KDM1B: variants seen among roughly 807,000 people sequenced by gnomAD.
The protein encoded by KDM1B is lysine-specific histone demethylase 2.
Under a neutral mutation model 107.4 loss-of-function variants are expected in KDM1B, and 63 were observed. The ratio of observed to expected loss-of-function variants is 0.59; its 90% CI spans 0.48 to 0.72. The LOEUF (loss-of-function observed/expected upper bound fraction) is 0.72. Ranked by LOEUF, KDM1B falls within the 30% of genes least tolerant of loss-of-function variation. The pLI is 0.00. For synonymous variants in KDM1B, 363 were observed against 363.9 expected (o/e 1.00, Z 0.03); for missense variants, 749 against 1,020.8 (o/e 0.73, Z 3.63).
At chr6:18,169,233 A>ATTTTTTTTTTTTT (rs199594945) in intron 6 of KDM1B, among the ~76,000 whole-genome samples, 1 of 132,780 alleles carries the variant, frequency 7.5e-6, no homozygotes, top group African/African-American at 2.8e-5. Context: ...TATATATATA[A>ATTTTTTTTTTTTT]ATTTTTTTTT....
intron 14 of KDM1B, among the ~76,000 whole-genome samples, chr6:18,202,410 G>T (rs181921149): frequency 6.6e-6 from 1 of 151,116 alleles, no homozygotes; most frequent in Non-Finnish European, 1.5e-5. Flanking sequence ...AAAAAAAAAA[G>T]GAATTTTAAT....
chr6:18,167,590 C>T (rs952543836), intron 6 of KDM1B, among the ~76,000 whole-genome samples: 2 of 151,784 alleles, frequency 1.3e-5, no homozygotes, highest in Non-Finnish European at 2.9e-5. Context: ...TCTCCCACCT[C>T]AGCCTCCCTA....
intron 2 of KDM1B, among the ~76,000 whole-genome samples, chr6:18,156,810 G>T (rs1015737558): frequency 6.6e-6 from 1 of 152,006 alleles, no homozygotes; most frequent in Non-Finnish European, 1.5e-5. Context: ...CCAGCTACTC[G>T]GGAGGCTGAG....
At chr6:18,170,981 T>A (rs1248176862) in intron 6 of KDM1B, among the ~76,000 whole-genome samples, 1 of 152,024 alleles carries the variant, frequency 6.6e-6, no homozygotes, top group South Asian at 2.1e-4. Flanking sequence ...CCACCACGCC[T>A]GGCTAACTTT....
chr6:18,181,465 G>A (rs963775991), intron 7 of KDM1B, among the ~76,000 whole-genome samples: 1 of 152,296 alleles, frequency 6.6e-6, no homozygotes, highest in Admixed American at 6.5e-5. Flanking sequence ...GAAAATATGA[G>A]AATAAGAAGT....
rs1561956160 is a variant in KDM1B, at chr6:18,214,978, A to T, written c.2110-29A>T. On this transcript the variant is annotated intron_variant, in intron 19 of 21. Coordinates refer to ENST00000650836, the MANE Select transcript of KDM1B (RefSeq NM_001364614.2). This position sits in a 1 kb window ranked among gnomAD's most constrained non-coding sequence, Gnocchi z 4.4. Reference sequence around the variant, plus strand: ...ATCTGTGGGAGCTGAGCACTCACAGACCTCCTGCTTTTCCTTTCATGTCTC... The same window carrying T: ...ATCTGTGGGAGCTGAGCACTCACAGTCCTCCTGCTTTTCCTTTCATGTCTC... The T allele has an allele frequency of 6.2e-7, 1 of 1,611,316 alleles. No individual in the cohort carries two copies. The highest frequency in any genetic ancestry group is 2.2e-5 in the East Asian group (1 of 44,786).
chr6:18,183,053 G>A (rs1786583766), intron 7 of KDM1B, among the ~76,000 whole-genome samples: 1 of 152,092 alleles, frequency 6.6e-6, no homozygotes, highest in Admixed American at 6.6e-5. Context: ...TTGTTTTAAT[G>A]TGAAATAAGT....
At chr6:18,179,432 T>C (rs1311815838) in intron 7 of KDM1B, among the ~76,000 whole-genome samples, 2 of 152,218 alleles carry the variant, frequency 1.3e-5, no homozygotes, top group African/African-American at 4.8e-5. Context: ...TCCTCTTTTC[T>C]ATTTTGTTGT....
In KDM1B at chr6:18,166,300, GA is replaced by G; in HGVS notation, c.346del (p.Ile116TyrfsTer48). The G allele has an allele frequency of 1.2e-6, 2 of 1,609,808 alleles. No individual in the cohort carries two copies. Among genetic ancestry groups the G allele is most frequent in the Non-Finnish European group, 1.7e-6 (2 of 1,176,204 alleles). On this transcript the variant is annotated frameshift_variant, in exon 6 of 22. Transcript: ENST00000650836. LOFTEE classifies it high-confidence loss of function. Reference sequence around the variant, plus strand: ...ATGGATATGACAAATATACTACATGGAAAAAAATATGGACTAGCAATGGCAA... The same window carrying G: ...ATGGATATGACAAATATACTACATGGAAAAAATATGGACTAGCAATGGCAA... ...KDGYDKYTTW[K>X]KIWTSNGKTE... is the part of the protein sequence containing the mutation.
intron 15 of KDM1B, 67 bp from the exon 16 acceptor site, chr6:18,207,331 A>G (rs1485663165): frequency 6.3e-7 from 1 of 1,582,406 alleles, no homozygotes; most frequent in African/African-American, 1.3e-5. Context: ...GGAGCTCCTC[A>G]TATTGGCTCT....
chr6:18,187,795 G>A lies in KDM1B; in HGVS notation c.577G>A (p.Val193Ile), dbSNP rs969455004. The A allele has an allele frequency of 3.1e-5, 48 of 1,546,600 alleles. No homozygotes were observed. Among genetic ancestry groups the A allele is most frequent in the Non-Finnish European group, 4.1e-5 (47 of 1,143,606 alleles). Residue 193 changes from valine to isoleucine, a missense_variant, in exon 9 of 22, where the codon GTA becomes ATA. Coordinates refer to ENST00000650836, the MANE Select transcript of KDM1B (RefSeq NM_001364614.2). ...CTTCCTGTCTGGCCCATTGCAGAGA[G>A]TATTGGAAGTTTCCAACCATTGGTG... is the stretch of plus-strand genomic sequence containing the variant. ...DHCSLPEDLRVLEVSNHWWYS... is the reference protein window; with the variant it reads ...DHCSLPEDLRILEVSNHWWYS...
At position 18,182,040 on chromosome 6, in the gene KDM1B, A is replaced by AT. The variant is rs1349715202; in HGVS notation, c.535-3725dup. Among the ~76,000 whole-genome samples, 3 of 151,850 alleles carry AT rather than the reference A, an allele frequency of 2.0e-5. No individual in the cohort carries two copies. In the South Asian group the frequency reaches 6.2e-4, roughly 32 times the overall value. On this transcript the variant is annotated intron_variant, in intron 7 of 21. Coordinates refer to ENST00000650836, the MANE Select transcript of KDM1B (RefSeq NM_001364614.2). ...CTGTAATTTCTTTTACCATAGTTCC[A>AT]TTTTTTTATTTTGATTTGAAACCTG... is the stretch of plus-strand genomic sequence containing the variant.
At chr6:18,220,918 TTTA>T (rs1319339158) in intron 21 of KDM1B, among the ~76,000 whole-genome samples, 1 of 152,036 alleles carries the variant, frequency 6.6e-6, no homozygotes, top group Non-Finnish European at 1.5e-5. Context: ...CAGCTAATTT[TTTA>T]TTTTTTTTTA....
rs1788859460 is a variant in KDM1B, at chr6:18,211,635, G to A, written c.1867-853G>A. 6.6e-6 allele frequency: 1 copy of A among 152,322 alleles called. No individual in the cohort carries two copies. The highest frequency in any genetic ancestry group is 2.1e-4 in the South Asian group (1 of 4,836). 9.4% of individuals were successfully genotyped at this position (152,322 alleles called of 1,614,324 possible). ...TGTATGTGGCATGATTCTGGAGCTG[G>A]CAGTAGTAGTAATGGCGTCCTGATT... On this transcript the variant is annotated intron_variant, in intron 17 of 21. Coordinates refer to ENST00000650836, the MANE Select transcript of KDM1B (RefSeq NM_001364614.2). The surrounding 1 kb of genome is among the most constrained non-coding windows in gnomAD (Gnocchi z 5.2).
chr6:18,162,488 A>G lies in KDM1B; in HGVS notation c.216-347A>G, dbSNP rs1467053344. ...AGCTGACCAGATTCCCTCGCTGTTC[A>G]GTACTGGGCCCCACGTTATTCTCTC... is the stretch of plus-strand genomic sequence containing the variant. On this transcript the variant is annotated intron_variant, in intron 4 of 21. Coordinates refer to ENST00000650836, the MANE Select transcript of KDM1B (RefSeq NM_001364614.2). This position sits in a 1 kb window ranked among gnomAD's most constrained non-coding sequence, Gnocchi z 4.1. 6.6e-6 allele frequency among the ~76,000 whole-genome samples: 1 copy of G among 152,134 alleles called. No homozygotes were observed. The highest frequency in any genetic ancestry group is 1.9e-4 in the East Asian group (1 of 5,200).
intron 20 of KDM1B, 42 bp downstream of exon 20, chr6:18,215,171 T>G (rs1448808549): frequency 6.3e-7 from 1 of 1,592,684 alleles, no homozygotes; most frequent in Non-Finnish European, 8.5e-7. Context: ...CAAGCCGTGC[T>G]TGCTATCCAG....
At chr6:18,220,257 CAGA>C (rs1293949865) in intron 21 of KDM1B, among the ~76,000 whole-genome samples, 10 of 152,154 alleles carry the variant, frequency 6.6e-5, no homozygotes, top group African/African-American at 9.7e-5. Flanking sequence ...TTTTTGTTTA[CAGA>C]AGAATAACAT....
chr6:18,175,205 T>C (rs1785911000), intron 7 of KDM1B, among the ~76,000 whole-genome samples: 1 of 152,220 alleles, frequency 6.6e-6, no homozygotes, highest in East Asian at 1.9e-4. Context: ...TGGTATCACA[T>C]TGTGGTTTCG....
At chr6:18,161,478 C>A in intron 4 of KDM1B, 24 bp downstream of exon 4, 1 of 1,609,840 alleles carries the variant, frequency 6.2e-7, no homozygotes, top group South Asian at 1.1e-5. Context: ...TGTGTCTTGG[C>A]CTCCCATTTC....
Sources: allele counts gnomAD v4.1 joint callset (sites outside exome capture counted in the v4.1 genomes callset), GRCh38; gene constraint gnomAD v4.1.1; non-coding constraint Gnocchi (gnomAD v3.1); transcripts MANE v1.5; gene names NCBI Gene and HGNC (gene_info 2026-07-23, HGNC 2026-07-21).